KRT72: variants seen among roughly 807,000 people sequenced by gnomAD.
KRT72 encodes the protein keratin 72.
Under a neutral mutation model 44.7 loss-of-function variants are expected in KRT72, and 44 were observed. That is an observed-to-expected ratio of 0.98 (90% confidence interval 0.77 to 1.27). The LOEUF (loss-of-function observed/expected upper bound fraction) is 1.27, where lower values mean the gene tolerates loss of function less well. KRT72 is among the 50% of genes most tolerant of loss of function. The pLI is 0.00. For synonymous variants in KRT72, 302 were observed against 280.4 expected, an observed-to-expected ratio of 1.08 and a Z score of -0.77; for missense variants, 736 against 667.1, an observed-to-expected ratio of 1.10 and a Z score of -1.14.
chr12:52,586,829 T>G (rs912062622), intron 8 of KRT72, 117 bp downstream of exon 8: 1 of 989,038 alleles, frequency 1.0e-6, no homozygotes, highest in Non-Finnish European at 1.6e-6. Flanking sequence ...CCTTTTTCCC[T>G]TAAGTCTCCC....
At chr12:52,601,704 G>C (rs1940471883), upstream of KRT72, 4 of 523,954 alleles carry the variant, frequency 7.6e-6, no homozygotes, top group South Asian at 7.4e-5. Flanking sequence ...CCAGAACCCA[G>C]CATTTACTTG....
intron 6 of KRT72, among the ~76,000 whole-genome samples, chr12:52,589,244 G>A (rs184191314): frequency 6.6e-6 from 1 of 152,222 alleles, no homozygotes; most frequent in Non-Finnish European, 1.5e-5. Flanking sequence ...GGCCAAATGG[G>A]CTCTAGAATA....
rs375820161 is a variant in KRT72 at position 52,598,853 on chromosome 12, T to A, written c.641+45A>T. 1.1e-5 allele frequency: 17 copies of A among 1,581,870 alleles called. No individual in the cohort carries two copies. The African/African-American group carries it at 1.9e-4, about 18-fold the overall frequency. On this transcript the variant is annotated intron_variant, in intron 2 of 8. Coordinates refer to ENST00000293745, the MANE Select transcript of KRT72 (RefSeq NM_080747.3). ...TGCCATCTCCAAACGAAAACCTCAT[T>A]TGAAATCAGATCCTCCAGGGCCATA...
In KRT72 at chr12:52,586,063, T is replaced by A. The variant is rs569540468; in HGVS notation, c.1455A>T (p.Lys485Asn). The change falls in exon 9 of 9, where the codon AAA (lysine) becomes AAT (asparagine). Residue 485 changes from lysine (K) to asparagine (N), a missense_variant. Physicochemically the swap from Lys to Asn is moderately conservative, Grantham distance 94. Coordinates refer to ENST00000293745, the MANE Select transcript of KRT72 (RefSeq NM_080747.3). ...YKTAAADVKT[K>N]GSCGSELKDP... ...CCTTGAGCTCACTGCCACAGCTGCC[T>A]TTGGTCTTGACGTCTGCAGCTGCAG... 4 of 1,614,202 alleles carry A rather than the reference T, an allele frequency of 2.5e-6. No individual in the cohort carries two copies. The South Asian group carries it at 4.4e-5, about 18-fold the overall frequency.
In KRT72 at chr12:52,601,387, G is replaced by A. The variant is rs1316041954; in HGVS notation, c.66C>T (p.Val22=). 1.3e-6 allele frequency: 2 copies of A among 1,542,300 alleles called. No homozygotes were observed. Among genetic ancestry groups the A allele is most frequent in the African/African-American group, 1.4e-5 (1 of 73,148 alleles). The change falls in exon 1 of 9, where the codon GTC becomes GTT. Residue 22 remains valine, a synonymous_variant. Coordinates refer to ENST00000293745, the MANE Select transcript of KRT72 (RefSeq NM_080747.3). ...ERLGFSGCSA[V]LSGGIGSSSA... is the part of the protein sequence containing the mutation. ...AGCTGCTGCCGATCCCGCCAGAGAGGACCGCGGAGCAACCGCTGAAGCCCA... is the reference window on the plus strand; with the variant it reads ...AGCTGCTGCCGATCCCGCCAGAGAGAACCGCGGAGCAACCGCTGAAGCCCA...
chr12:52,597,519 A>C (rs983951078), intron 2 of KRT72, among the ~76,000 whole-genome samples: 2 of 152,252 alleles, frequency 1.3e-5, no homozygotes, highest in Non-Finnish European at 1.5e-5. Flanking sequence ...ACTACATGCT[A>C]AACACTGTGC....
upstream of KRT72, among the ~76,000 whole-genome samples, chr12:52,602,232 G>T (rs7956582): frequency 1.3e-5 from 2 of 152,012 alleles, no homozygotes; most frequent in Non-Finnish European, 2.9e-5. Flanking sequence ...TTAGCAGATG[G>T]TGTTTCCTAA....
At chr12:52,601,608 G>A, upstream of KRT72, 1 of 693,758 alleles carries the variant, frequency 1.4e-6, no homozygotes, top group Non-Finnish European at 2.4e-6. Context: ...AGGCCTCTTG[G>A]GTTCTTCATG....
intron 2 of KRT72, among the ~76,000 whole-genome samples, chr12:52,597,529 C>T (rs1164580025): frequency 6.6e-6 from 1 of 152,184 alleles, no homozygotes; most frequent in East Asian, 1.9e-4. Context: ...AAACACTGTG[C>T]TAAATTCTTA....
chr12:52,585,973 A>G lies in KRT72; in HGVS notation c.*9T>C. ...AAGCCTTCTGCTCACAGAGCCAACC[A>G]CTTGTCCATCATCTGGAGGCCTTTT... On this transcript the variant is annotated 3_prime_UTR_variant, in exon 9 of 9. Coordinates refer to ENST00000293745, the MANE Select transcript of KRT72 (RefSeq NM_080747.3). 2 of 1,609,810 alleles carry G rather than the reference A, an allele frequency of 1.2e-6. No homozygotes were observed. Among genetic ancestry groups the G allele is most frequent in the South Asian group, 2.2e-5 (2 of 90,732 alleles).
At chr12:52,591,077 A>ATGTTTGAG in intron 5 of KRT72, 116 bp from the exon 6 acceptor site, 1 of 1,034,984 alleles carries the variant, frequency 9.7e-7, no homozygotes, top group Non-Finnish European at 1.3e-6. Flanking sequence ...TCAGGTTCTC[A>ATGTTTGAG]AACATGAGAG....
At position 52,599,114 on chromosome 12, in the gene KRT72, T is replaced by C. The variant is rs1940323158; in HGVS notation, c.427-2A>G. 2 of 1,613,986 alleles carry C rather than the reference T, an allele frequency of 1.2e-6. No homozygotes were observed. Among genetic ancestry groups the C allele is most frequent in the East Asian group, 4.5e-5 (2 of 44,886 alleles). ...ATTCTGCTGCTCCAGGAACCGCACCTGGAACCCAAAGGCAGTCATCGCCCA... is the reference window on the plus strand; with the variant it reads ...ATTCTGCTGCTCCAGGAACCGCACCCGGAACCCAAAGGCAGTCATCGCCCA... On this transcript the variant is annotated splice_acceptor_variant, in intron 1 of 8. Coordinates refer to ENST00000293745, the MANE Select transcript of KRT72 (RefSeq NM_080747.3). LOFTEE classifies it high-confidence loss of function.
At chr12:52,594,513 A>C (rs1226619319) in intron 2 of KRT72, among the ~76,000 whole-genome samples, 1 of 152,170 alleles carries the variant, frequency 6.6e-6, no homozygotes, top group African/African-American at 2.4e-5. Flanking sequence ...CAAGGACAGA[A>C]AACCAAACAC....
intron 8 of KRT72, 101 bp downstream of exon 8, chr12:52,586,845 C>T (rs975405928): frequency 5.3e-6 from 6 of 1,139,216 alleles, no homozygotes; most frequent in African/African-American, 1.5e-5. Context: ...CTCCCCTGAG[C>T]CCCCTCTGTC....
At chr12:52,598,876 A>G (rs753289160) in intron 2 of KRT72, 22 bp downstream of exon 2, 1 of 1,608,570 alleles carries the variant, frequency 6.2e-7, no homozygotes, top group Non-Finnish European at 8.5e-7. Flanking sequence ...CTCCAGGGCC[A>G]TATTCCCTGC....
intron 2 of KRT72, among the ~76,000 whole-genome samples, chr12:52,597,598 T>C (rs595727): frequency 0.8 from 121,282 of 152,150 alleles, 49,175 homozygotes; most frequent in African/African-American, 0.95. Context: ...CTATTATTAT[T>C]CCAATTTTAT....
At position 52,592,997 on chromosome 12, in the gene KRT72, C is replaced by G. The variant is rs766591236; in HGVS notation, c.642-45G>C. On this transcript the variant is annotated intron_variant, in intron 2 of 8. Coordinates refer to ENST00000293745, the MANE Select transcript of KRT72 (RefSeq NM_080747.3). The stretch of plus-strand genomic sequence containing the variant: ...GAGGTAATTCAGTTCTGCAAACACT[C>G]ACTGAACAGTTAGTGACCACCTCTG... 14 of 1,556,686 alleles carry G rather than the reference C, an allele frequency of 9.0e-6. No homozygotes were observed. The South Asian group carries it at 1.2e-4, about 13-fold the overall frequency.
intron 2 of KRT72, among the ~76,000 whole-genome samples, chr12:52,598,680 A>G (rs1940302923): frequency 6.6e-6 from 1 of 152,048 alleles, no homozygotes; most frequent in Non-Finnish European, 1.5e-5. Flanking sequence ...TCTTTCCCCC[A>G]TTCCTTCATT....
upstream of KRT72, among the ~76,000 whole-genome samples, chr12:52,602,796 A>G (rs185949216): frequency 3.0e-3 from 460 of 152,292 alleles, 4 homozygotes; most frequent in African/African-American, 0.01. Context: ...TGGGGACCTC[A>G]TGGGTTGGTT....
Sources: gnomAD v4.1 joint callset for allele counts (sites outside exome capture counted in the v4.1 genomes callset) on GRCh38, gnomAD v4.1.1 for gene constraint, MANE v1.5 for transcripts, NCBI Gene and HGNC (gene_info 2026-07-23, HGNC 2026-07-21) for gene names.